The following KLHL18 variants were observed in gnomAD, a reference collection of about 807,000 sequenced individuals.
The protein encoded by KLHL18 is kelch-like protein 18.
Under a neutral mutation model 58.5 loss-of-function variants are expected in KLHL18, and 38 were observed. That is an observed-to-expected ratio of 0.65 (90% confidence interval 0.50 to 0.85). The LOEUF (loss-of-function observed/expected upper bound fraction) is 0.85, where lower values mean the gene tolerates loss of function less well. Among genes scored for constraint, KLHL18 ranks in the 40% least tolerant of loss-of-function variants. The pLI is 0.00. For missense variants in KLHL18, 624 were observed against 778.4 expected (o/e 0.80, Z 2.36); for synonymous variants, 303 against 301.9 (o/e 1.00, Z -0.04).
chr3:47,319,652 G>T lies in KLHL18; in HGVS notation c.130-1G>T. The stretch of plus-strand genomic sequence containing the variant: ...GTCTTTGTATTTTACTTTGCCCACA[G>T]ATTGGGGACCACAAATTCAGTGCCC... On this transcript the variant is annotated splice_acceptor_variant, in intron 1 of 9. Transcript: ENST00000232766. LOFTEE classifies it high-confidence loss of function. 2 of 1,613,302 alleles carry T rather than the reference G, an allele frequency of 1.2e-6. No homozygotes were observed. Among genetic ancestry groups the T allele is most frequent in the Non-Finnish European group, 1.7e-6 (2 of 1,179,496 alleles).
At chr3:47,336,313 C>T (rs185784112) in intron 6 of KLHL18, among the ~76,000 whole-genome samples, 2 of 152,208 alleles carry the variant, frequency 1.3e-5, no homozygotes, top group Non-Finnish European at 2.9e-5. Context: ...AAACTACCCT[C>T]TCTAAAAAAT....
At chr3:47,333,426 ATTC>A in intron 5 of KLHL18, 109 bp downstream of exon 5, 1 of 1,091,692 alleles carries the variant, frequency 9.2e-7, no homozygotes. Context: ...GATCAGTCTA[ATTC>A]ATGGCACACA....
At chr3:47,301,437 T>C (rs1464016445) in intron 1 of KLHL18, among the ~76,000 whole-genome samples, 1 of 152,210 alleles carries the variant, frequency 6.6e-6, no homozygotes, top group African/African-American at 2.4e-5. Context: ...TTTTTTTGCA[T>C]ATGGATATCC....
Position 47,344,067 on chromosome 3 carries a change from A to T in KLHL18, c.*126A>T. On this transcript the variant is annotated 3_prime_UTR_variant, in exon 10 of 10. Coordinates refer to ENST00000232766, the MANE Select transcript of KLHL18 (RefSeq NM_025010.5). ...CGAAACGTGAGCTCGCCGGAGGTAC[A>T]GTTTTTCCAGGTGCTTAAGCCCTCC... 7.8e-7 allele frequency: 1 copy of T among 1,276,418 alleles called. No individual in the cohort carries two copies. 79.1% of individuals were successfully genotyped at this position (1,276,418 alleles called of 1,614,324 possible). A position where few individuals can be genotyped will look rare whatever the true frequency, so the allele number is the denominator to read the frequency against.
rs879110897 is a variant in KLHL18, at chr3:47,340,770, G to A, written c.1226+94G>A. The stretch of plus-strand genomic sequence containing the variant: ...TTTTTTTAATTTAAGCTTCTCAAGG[G>A]TAGAGAATGTCTTACCTTTTTGCCC... On this transcript the variant is annotated intron_variant, in intron 8 of 9. Transcript: ENST00000232766. 137 of 1,394,052 alleles carry A rather than the reference G, an allele frequency of 9.8e-5. 1 individual carries two copies. The South Asian group carries it at 1.5e-3, about 15-fold the overall frequency. 86.4% of individuals were successfully genotyped at this position (1,394,052 alleles called of 1,614,324 possible).
chr3:47,314,320 CTG>C (rs762817764), intron 1 of KLHL18, among the ~76,000 whole-genome samples: 4 of 152,280 alleles, frequency 2.6e-5, no homozygotes, highest in Admixed American at 1.3e-4. Flanking sequence ...CATGTAAAAA[CTG>C]AGATTACAAA....
intron 1 of KLHL18, among the ~76,000 whole-genome samples, chr3:47,285,185 G>A (rs575926553): frequency 4.6e-5 from 7 of 152,298 alleles, no homozygotes; most frequent in South Asian, 2.1e-4. Context: ...CTGAGAAGGC[G>A]TGAGATCTTC....
intron 4 of KLHL18, among the ~76,000 whole-genome samples, chr3:47,330,436 A>G (rs1171090300): frequency 6.6e-6 from 1 of 152,092 alleles, no homozygotes; most frequent in East Asian, 1.9e-4. Context: ...AGTAGCTGGA[A>G]CTACAGGCAC....
Position 47,311,648 on chromosome 3 carries a change from C to T in KLHL18, c.130-8005C>T, listed in dbSNP as rs1236609802. ...CGGAGATTGCAGTGAGCCGAGATTG[C>T]GCCACTGCACTCCAGCCTGGTGACA... On this transcript the variant is annotated intron_variant, in intron 1 of 9. Coordinates refer to ENST00000232766, the MANE Select transcript of KLHL18 (RefSeq NM_025010.5). Among the ~76,000 whole-genome samples the T allele has an allele frequency of 5.3e-5, 8 of 152,210 alleles. No homozygotes were observed. In the East Asian group the frequency reaches 1.5e-3, roughly 29 times the overall value.
At chr3:47,313,708 GT>G (rs149952430) in intron 1 of KLHL18, among the ~76,000 whole-genome samples, 1 of 152,246 alleles carries the variant, frequency 6.6e-6, no homozygotes, top group Non-Finnish European at 1.5e-5. Flanking sequence ...TCATGTGTAG[GT>G]TTTTTATTTA....
Position 47,343,833 on chromosome 3 carries a change from C to A in KLHL18, c.1617C>A (p.Ser539Arg). The stretch of plus-strand genomic sequence containing the variant: ...GCTACGACGGACAGTCAAACCTAAG[C>A]TCAGTGGAGATGTATGACCCAGAGA... Reference protein sequence around the residue: ...VGGYDGQSNLSSVEMYDPETD... With the variant: ...VGGYDGQSNLRSVEMYDPETD... The change falls in exon 10 of 10, where the codon AGC (serine) becomes AGA (arginine). Residue 539 changes from serine (S) to arginine (R), a missense_variant. Transcript: ENST00000232766. The A allele has an allele frequency of 6.2e-7, 1 of 1,614,200 alleles. No individual in the cohort carries two copies. Among genetic ancestry groups the A allele is most frequent in the Non-Finnish European group, 8.5e-7 (1 of 1,180,030 alleles).
chr3:47,330,220 T>C (rs1364064322), intron 4 of KLHL18, 71 bp downstream of exon 4: 4 of 1,411,164 alleles, frequency 2.8e-6, no homozygotes, highest in East Asian at 2.4e-5. Context: ...GTTTTGTTTA[T>C]GTATTTTTTT....
chr3:47,338,065 C>T (rs998920847), intron 7 of KLHL18: 2 of 152,162 alleles, frequency 1.3e-5, no homozygotes, highest in Non-Finnish European at 2.9e-5. Context: ...AAATTACAGG[C>T]TACCTTAAAA....
At chr3:47,287,085 T>C (rs978040234) in intron 1 of KLHL18, 1 of 152,244 alleles carries the variant, frequency 6.6e-6, no homozygotes, top group African/African-American at 2.4e-5. Flanking sequence ...TGGCTTGCCA[T>C]CCGCAATACT....
At chr3:47,340,445 A>G in intron 7 of KLHL18, 127 bp from the exon 8 acceptor site, 1 of 1,402,324 alleles carries the variant, frequency 7.1e-7, no homozygotes, top group Admixed American at 1.9e-5. Context: ...TTATGCCTTT[A>G]CTTAGTCACA....
rs879324080 is a variant in KLHL18, at chr3:47,345,869, G to A, written c.*1928G>A. The A allele has an allele frequency of 1.3e-5, 2 of 152,572 alleles. No individual in the cohort carries two copies. The highest frequency in any genetic ancestry group is 2.9e-5 in the Non-Finnish European group (2 of 68,032). The allele number at this position is 152,572 out of a possible 1,614,324, so 9.5% of individuals were successfully genotyped here. A position where few individuals can be genotyped will look rare whatever the true frequency, so the allele number is the denominator to read the frequency against. ...AGTACCTTTGTTACCTACAACTTAG[G>A]AGCTAGGCCTCTGCTACAAGCACTT... On this transcript the variant is annotated 3_prime_UTR_variant, in exon 10 of 10. Coordinates refer to ENST00000232766, the MANE Select transcript of KLHL18 (RefSeq NM_025010.5).
chr3:47,305,050 C>A (rs141164709), intron 1 of KLHL18, among the ~76,000 whole-genome samples: 156 of 151,628 alleles, frequency 1.0e-3, no homozygotes, highest in African/African-American at 3.5e-3. Context: ...AAGAAAAAAA[C>A]CCATAATGTC....
In KLHL18 at chr3:47,344,096, A is replaced by G. The variant is rs999475309; in HGVS notation, c.*155A>G. The G allele has an allele frequency of 4.8e-6, 4 of 838,832 alleles. No individual in the cohort carries two copies. The highest frequency in any genetic ancestry group is 1.8e-5 in the South Asian group (1 of 55,086). The allele number at this position is 838,832 out of a possible 1,614,324, so 52.0% of individuals were successfully genotyped here. ...TTTCCAGGTGCTTAAGCCCTCCCCC[A>G]CTGTGCCACCCTTGTGACCTTCAGG... is the stretch of plus-strand genomic sequence containing the variant. On this transcript the variant is annotated 3_prime_UTR_variant, in exon 10 of 10. Transcript: ENST00000232766.
chr3:47,288,363 A>AC (rs1253320706), intron 1 of KLHL18, among the ~76,000 whole-genome samples: 1 of 151,956 alleles, frequency 6.6e-6, no homozygotes, highest in Non-Finnish European at 1.5e-5. Flanking sequence ...CTGGGACTAG[A>AC]CTCTTCGTCT....
Sources: gnomAD v4.1 joint callset for allele counts (sites outside exome capture counted in the v4.1 genomes callset) on GRCh38, gnomAD v4.1.1 for gene constraint, MANE v1.5 for transcripts, NCBI Gene and HGNC (gene_info 2026-07-23, HGNC 2026-07-21) for gene names.